The following MPHOSPH9 variants were observed in gnomAD, a reference collection of about 807,000 sequenced individuals.
The protein encoded by MPHOSPH9 is M-phase phosphoprotein 9.
A neutral mutation model predicts 145.5 loss-of-function variants in MPHOSPH9; 88 were observed. The ratio of observed to expected loss-of-function variants is 0.60; its 90% CI spans 0.51 to 0.72. The LOEUF (loss-of-function observed/expected upper bound fraction) is 0.72. Ranked by LOEUF, MPHOSPH9 falls within the 30% of genes least tolerant of loss-of-function variation. The pLI, the probability that MPHOSPH9 is intolerant of heterozygous loss-of-function variation, is 0.00. For missense variants in MPHOSPH9, 1,238 were observed against 1,386.6 expected, an observed-to-expected ratio of 0.89 and a Z score of 1.70; for synonymous variants, 435 against 486.2, an observed-to-expected ratio of 0.89 and a Z score of 1.39.
chr12:123,232,293 C>T (rs1803251582), intron 1 of MPHOSPH9, among the ~76,000 whole-genome samples: 1 of 152,000 alleles, frequency 6.6e-6, no homozygotes, highest in South Asian at 2.1e-4. Context: ...TTCAAAGATG[C>T]TTCTCCATTT....
chr12:123,241,548 C>T (rs1236605908), intron 1 of MPHOSPH9, among the ~76,000 whole-genome samples: 2 of 152,134 alleles, frequency 1.3e-5, no homozygotes, highest in Non-Finnish European at 2.9e-5. Flanking sequence ...CCATGTTGGC[C>T]AGGATGGTCT....
chr12:123,182,261 G>GTTTTTTTTTTTTTTT (rs532750226), intron 13 of MPHOSPH9, among the ~76,000 whole-genome samples: 1 of 61,800 alleles, frequency 1.6e-5, no homozygotes. Flanking sequence ...TTTTTTTTTT[G>GTTTTTTTTTTTTTTT]TTTTTTTTTT....
At position 123,184,502 on chromosome 12, in the gene MPHOSPH9, T is replaced by A. The variant is rs542152060; in HGVS notation, c.2242-3292A>T. 1.8e-4 allele frequency among the ~76,000 whole-genome samples: 28 copies of A among 152,062 alleles called. 1 individual carries two copies. Among genetic ancestry groups the A allele is most frequent in the African/African-American group, 6.5e-4 (27 of 41,494 alleles). ...ATACTGCTTCGCTTTAATTTAATTT[T>A]TTTTTTTTTTCTTGAGATGGAGTCT... On this transcript the variant is annotated intron_variant, in intron 13 of 23. Transcript: ENST00000606320.
At chr12:123,197,311 A>G (rs1181138048) in intron 12 of MPHOSPH9, among the ~76,000 whole-genome samples, 1 of 151,808 alleles carries the variant, frequency 6.6e-6, no homozygotes, top group Non-Finnish European at 1.5e-5. Flanking sequence ...TCTCCCGAGT[A>G]GCTGGGACCA....
chr12:123,182,939 C>T (rs1565919857), intron 13 of MPHOSPH9, among the ~76,000 whole-genome samples: 1 of 151,038 alleles, frequency 6.6e-6, no homozygotes, highest in Admixed American at 6.6e-5. Context: ...AGAGGCCGGG[C>T]GTGGTAGCTG....
chr12:123,202,895 G>A lies in MPHOSPH9; in HGVS notation c.1510C>T (p.Pro504Ser), dbSNP rs1352941706. 7 of 1,614,188 alleles carry A rather than the reference G, an allele frequency of 4.3e-6. No homozygotes were observed. Residue 504 changes from proline to serine, a missense_variant, in exon 10 of 24, where the codon CCT becomes TCT. By Grantham distance (74) the Pro-to-Ser change is moderately conservative. Around this residue, in one of 3 missense-constraint regions of MPHOSPH9, gnomAD observed 837 missense variants for 897.5 expected, o/e 0.93. Coordinates refer to ENST00000606320, the MANE Select transcript of MPHOSPH9 (RefSeq NM_022782.4). ...TGTGAGGGATATTTTGGAAATCCAG[G>A]TAACTGAGAAGTGACATTACTTGCT... The part of the protein sequence containing the change: ...SQASNVTSQL[P>S]GFPKYPSHTK...
chr12:123,243,235 A>ATT (rs35389455), intron 1 of MPHOSPH9, among the ~76,000 whole-genome samples: 24,157 of 147,894 alleles, frequency 0.16, 2,221 homozygotes, highest in Middle Eastern at 0.27. Context: ...TTTTAAAACA[A>ATT]TTTTTTTTTT....
chr12:123,241,971 A>G (rs916981438), intron 1 of MPHOSPH9, among the ~76,000 whole-genome samples: 6 of 152,200 alleles, frequency 3.9e-5, no homozygotes, highest in Admixed American at 1.3e-4. Context: ...CCACTGCTCT[A>G]TAGTATGTTA....
chr12:123,214,129 G>C (rs1284653242), intron 7 of MPHOSPH9, among the ~76,000 whole-genome samples: 1 of 152,144 alleles, frequency 6.6e-6, no homozygotes, highest in Non-Finnish European at 1.5e-5. Flanking sequence ...CAGAGGGTTT[G>C]AATTTAATTC....
chr12:123,203,303 G>C lies in MPHOSPH9; in HGVS notation c.1267C>G (p.Gln423Glu), dbSNP rs752992320. ...IYYKKQRENK[Q>E]LPERNLTSAS... ...GAAGTGAGATTCCTCTCAGGTAACTGCTTGTTTTCCCTTTGTTTTTTATAA... is the reference window on the plus strand; with the variant it reads ...GAAGTGAGATTCCTCTCAGGTAACTCCTTGTTTTCCCTTTGTTTTTTATAA... The change falls in exon 9 of 24, where the codon CAG becomes GAG. Residue 423 changes from glutamine to glutamate, a missense_variant. Coordinates refer to ENST00000606320, the MANE Select transcript of MPHOSPH9 (RefSeq NM_022782.4). 1 of 1,613,360 alleles carries C rather than the reference G, an allele frequency of 6.2e-7. No homozygotes were observed. The highest frequency in any genetic ancestry group is 8.5e-7 in the Non-Finnish European group (1 of 1,179,388).
upstream of MPHOSPH9, among the ~76,000 whole-genome samples, chr12:123,236,320 G>A (rs751754223): frequency 8.5e-5 from 13 of 152,134 alleles, no homozygotes; most frequent in Non-Finnish European, 1.5e-4. Flanking sequence ...GCAGCTGCAC[G>A]TGGTGGCTCA....
chr12:123,210,033 G>A, intron 8 of MPHOSPH9, 23 bp downstream of exon 8: 3 of 1,566,734 alleles, frequency 1.9e-6, no homozygotes, highest in Non-Finnish European at 2.6e-6. Flanking sequence ...ACCGCGCCCG[G>A]CCACCGTGTG....
Position 123,155,019 on chromosome 12 carries a change from C to CACACACACACATAGACATAT in MPHOSPH9, c.*1768_*1787dup, listed in dbSNP as rs1275958067. 6.8e-6 allele frequency: 1 copy of CACACACACACATAGACATAT among 148,060 alleles called. No individual in the cohort carries two copies. Among genetic ancestry groups the CACACACACACATAGACATAT allele is most frequent in the Non-Finnish European group, 1.5e-5 (1 of 67,208 alleles). 9.2% of individuals were successfully genotyped at this position (148,060 alleles called of 1,614,324 possible). ...AAAAAAAAAAAAAGATATATACATA[C>CACACACACACATAGACATAT]ACACACACACATAGACATATACACA... On this transcript the variant is annotated 3_prime_UTR_variant, in exon 24 of 24. Transcript: ENST00000606320.
chr12:123,214,939 A>G, intron 6 of MPHOSPH9, 105 bp from the exon 7 acceptor site: 1 of 919,468 alleles, frequency 1.1e-6, no homozygotes, highest in Non-Finnish European at 1.7e-6. Flanking sequence ...AGAAACCTTC[A>G]GAGGGTTCAA....
At chr12:123,200,020 A>C (rs2046151588) in intron 11 of MPHOSPH9, among the ~76,000 whole-genome samples, 1 of 152,116 alleles carries the variant, frequency 6.6e-6, no homozygotes, top group African/African-American at 2.4e-5. Context: ...TCAAATAATC[A>C]AGTGTGTGTT....
chr12:123,213,780 ACT>A (rs2046843424), intron 7 of MPHOSPH9, among the ~76,000 whole-genome samples: 1 of 152,094 alleles, frequency 6.6e-6, no homozygotes, highest in African/African-American at 2.4e-5. Flanking sequence ...CCCTGTAAGG[ACT>A]CTGTGAACAA....
chr12:123,212,428 G>A (rs1490678013), intron 7 of MPHOSPH9, among the ~76,000 whole-genome samples: 3 of 152,048 alleles, frequency 2.0e-5, no homozygotes, highest in East Asian at 3.9e-4. Flanking sequence ...AATGACTCAC[G>A]CCTGTAATCC....
At chr12:123,235,026 A>G (rs891134995), upstream of MPHOSPH9, among the ~76,000 whole-genome samples, 1 of 152,224 alleles carries the variant, frequency 6.6e-6, no homozygotes, top group African/African-American at 2.4e-5. Context: ...CCTAAGCTCT[A>G]AAACAAAGGC....
rs778413906 is a variant in MPHOSPH9 at position 123,165,321 on chromosome 12, CTCTG to C, written c.2744_2747del (p.Thr915ArgfsTer8). The stretch of plus-strand genomic sequence containing the variant: ...ACTCACTATTTGAGGTGTCCTCTTT[CTCTG>C]TCTGTGTCCCCCAATTTTTAAATAT... On this transcript the variant is annotated frameshift_variant, in exon 18 of 24. Transcript: ENST00000606320. LOFTEE classifies it high-confidence loss of function. The C allele has an allele frequency of 1.2e-5, 20 of 1,613,528 alleles. No individual in the cohort carries two copies. Among genetic ancestry groups the C allele is most frequent in the Middle Eastern group, 1.6e-4 (1 of 6,084 alleles).
Sources: allele counts gnomAD v4.1 joint callset (sites outside exome capture counted in the v4.1 genomes callset), GRCh38; gene constraint gnomAD v4.1.1; regional missense constraint gnomAD v4.1.1; transcripts MANE v1.5; gene names NCBI Gene and HGNC (gene_info 2026-07-23, HGNC 2026-07-21).